The following PLCXD3 variants were observed in gnomAD, a reference collection of about 807,000 sequenced individuals.
The protein encoded by PLCXD3 is PI-PLC X domain-containing protein 3.
Under a neutral mutation model 25.5 loss-of-function variants are expected in PLCXD3, and 19 were observed. The ratio of observed to expected loss-of-function variants is 0.75; its 90% CI spans 0.52 to 1.09. The LOEUF (loss-of-function observed/expected upper bound fraction) is 1.09. Among genes scored for constraint, PLCXD3 ranks in the 50% least tolerant of loss-of-function variants. The pLI, the probability that PLCXD3 is intolerant of heterozygous loss-of-function variation, is 0.00. For synonymous variants in PLCXD3, 174 were observed against 137.6 expected (o/e 1.26, Z -1.85); for missense variants, 411 against 388.1 (o/e 1.06, Z -0.50).
chr5:41,392,493 G>A (rs938379781), intron 1 of PLCXD3, among the ~76,000 whole-genome samples: 1 of 152,180 alleles, frequency 6.6e-6, no homozygotes, highest in Non-Finnish European at 1.5e-5. Context: ...AGGAATCACA[G>A]TGTTACTAGG....
chr5:41,434,928 T>C (rs139898943), intron 1 of PLCXD3, among the ~76,000 whole-genome samples: 10 of 152,224 alleles, frequency 6.6e-5, no homozygotes, highest in Non-Finnish European at 8.8e-5. Flanking sequence ...AGGAAAGGGA[T>C]ATAATTTTTG....
intron 1 of PLCXD3, among the ~76,000 whole-genome samples, chr5:41,432,212 AAT>A (rs1747128384): frequency 6.6e-6 from 1 of 152,220 alleles, no homozygotes; most frequent in Non-Finnish European, 1.5e-5. Flanking sequence ...CATCTTGAAT[AAT>A]ATTACTGTCC....
intron 2 of PLCXD3, among the ~76,000 whole-genome samples, chr5:41,361,681 A>G (rs1009238076): frequency 5.9e-5 from 9 of 152,240 alleles, no homozygotes; most frequent in Middle Eastern, 3.2e-3. Context: ...GGATGAATAA[A>G]TGAATGGATA....
chr5:41,338,101 G>A (rs1744035033), intron 2 of PLCXD3, among the ~76,000 whole-genome samples: 1 of 152,050 alleles, frequency 6.6e-6, no homozygotes, highest in African/African-American at 2.4e-5. Context: ...TCCTTGCCAT[G>A]TTTAGAAAAG....
At chr5:41,324,458 A>C (rs1482232635) in intron 2 of PLCXD3, among the ~76,000 whole-genome samples, 1 of 152,206 alleles carries the variant, frequency 6.6e-6, no homozygotes, top group Non-Finnish European at 1.5e-5. Flanking sequence ...AGGAGGACTC[A>C]GTTGTTTCTA....
intron 1 of PLCXD3, among the ~76,000 whole-genome samples, chr5:41,491,557 G>A (rs56182059): frequency 0.21 from 32,602 of 151,952 alleles, 3,487 homozygotes; most frequent in East Asian, 0.28. Flanking sequence ...CATTATTATT[G>A]TGTGGGAGTC....
intron 1 of PLCXD3, among the ~76,000 whole-genome samples, chr5:41,493,643 C>T (rs1748759684): frequency 6.6e-6 from 1 of 152,196 alleles, no homozygotes; most frequent in African/African-American, 2.4e-5. Flanking sequence ...CAATGGTGGG[C>T]ACCCCTCCCC....
chr5:41,491,730 T>A (rs1196198427), intron 1 of PLCXD3, among the ~76,000 whole-genome samples: 1 of 152,120 alleles, frequency 6.6e-6, no homozygotes, highest in Non-Finnish European at 1.5e-5. Context: ...GTTTAAAGTC[T>A]GTTTTATCAG....
chr5:41,403,408 T>G (rs12518456), intron 1 of PLCXD3, among the ~76,000 whole-genome samples: 6 of 26,222 alleles, frequency 2.3e-4, no homozygotes, highest in African/African-American at 5.1e-4. Context: ...GTTGTTTTTT[T>G]TTTTTTTTAT....
Position 41,312,115 on chromosome 5 carries a change from G to A in PLCXD3, c.*1502C>T, listed in dbSNP as rs1291839269. ...AAGTTTTTTTTTTTTATTTTTTAGAGTTGTCAAATATCACAATGACACGAA... is the reference window on the plus strand; with the variant it reads ...AAGTTTTTTTTTTTTATTTTTTAGAATTGTCAAATATCACAATGACACGAA... On this transcript the variant is annotated 3_prime_UTR_variant, in exon 3 of 3. Transcript: ENST00000377801. 3 of 151,262 alleles carry A rather than the reference G, an allele frequency of 2.0e-5. No individual in the cohort carries two copies. Among genetic ancestry groups the A allele is most frequent in the Non-Finnish European group, 4.4e-5 (3 of 67,854 alleles). 9.4% of individuals were successfully genotyped at this position (151,262 alleles called of 1,614,324 possible).
chr5:41,422,031 TAC>T (rs1746841196), intron 1 of PLCXD3, among the ~76,000 whole-genome samples: 1 of 152,116 alleles, frequency 6.6e-6, no homozygotes, highest in Non-Finnish European at 1.5e-5. Context: ...GATATCAACC[TAC>T]CTTTAAGAGT....
intron 1 of PLCXD3, among the ~76,000 whole-genome samples, chr5:41,398,771 C>T (rs79404108): frequency 0.044 from 6,619 of 152,038 alleles, 185 homozygotes; most frequent in Non-Finnish European, 0.061. Flanking sequence ...TTATACTGAA[C>T]GGAGAAAAAC....
At chr5:41,372,745 T>G (rs1745141399) in intron 2 of PLCXD3, among the ~76,000 whole-genome samples, 1 of 151,912 alleles carries the variant, frequency 6.6e-6, no homozygotes, top group African/African-American at 2.4e-5. Context: ...CAGAGAAACC[T>G]TAAAAACTGA....
chr5:41,481,626 G>A (rs1278791659), intron 1 of PLCXD3, among the ~76,000 whole-genome samples: 3 of 152,206 alleles, frequency 2.0e-5, no homozygotes, highest in South Asian at 2.1e-4. Context: ...CCCAGTCAGG[G>A]TCTGAAATGG....
intron 1 of PLCXD3, among the ~76,000 whole-genome samples, chr5:41,404,744 A>G (rs1163689313): frequency 6.6e-6 from 1 of 152,180 alleles, no homozygotes; most frequent in African/African-American, 2.4e-5. Context: ...TTGGTCTCTC[A>G]GTTTAGCCAT....
In PLCXD3 at chr5:41,311,831, T is replaced by C. The variant is rs187002225; in HGVS notation, c.*1786A>G. 1.5e-4 allele frequency: 23 copies of C among 152,670 alleles called. No homozygotes were observed. Among genetic ancestry groups the C allele is most frequent in the African/African-American group, 4.3e-4 (18 of 41,582 alleles). 9.5% of individuals were successfully genotyped at this position (152,670 alleles called of 1,614,324 possible). On this transcript the variant is annotated 3_prime_UTR_variant, in exon 3 of 3. Transcript: ENST00000377801. ...TGGTCTTGACATATATGGTTTTGAA[T>C]TGAACTCCCTTATCTAAGTCTAAGA...
intron 1 of PLCXD3, among the ~76,000 whole-genome samples, chr5:41,439,539 T>C (rs141467255): frequency 2.0e-4 from 30 of 152,268 alleles, no homozygotes; most frequent in Admixed American, 5.9e-4. Context: ...GGGTGTCATA[T>C]TGAACCAAGA....
intron 1 of PLCXD3, among the ~76,000 whole-genome samples, chr5:41,479,076 A>G (rs1365859189): frequency 6.6e-6 from 1 of 152,232 alleles, no homozygotes; most frequent in Admixed American, 6.5e-5. Flanking sequence ...GCCAAATCAT[A>G]TCACCAAATG....
chr5:41,466,170 G>T (rs1356360627), intron 1 of PLCXD3, among the ~76,000 whole-genome samples: 1 of 151,956 alleles, frequency 6.6e-6, no homozygotes. Flanking sequence ...AAATACAACT[G>T]CTTAATAAAA....
Sources: allele counts gnomAD v4.1 joint callset (sites outside exome capture counted in the v4.1 genomes callset), GRCh38; gene constraint gnomAD v4.1.1; transcripts MANE v1.5; gene names NCBI Gene and HGNC (gene_info 2026-07-23, HGNC 2026-07-21).